The following GAB2 variants were observed in gnomAD, a reference collection of about 807,000 sequenced individuals.
GAB2 encodes GRB2 associated binding protein 2.
In GAB2, 26 loss-of-function variants were observed where a neutral mutation model predicts 65.5. That is an observed-to-expected ratio of 0.40 (90% confidence interval 0.29 to 0.55). The LOEUF (loss-of-function observed/expected upper bound fraction) is 0.55. Ranked by LOEUF, GAB2 falls within the 20% of genes least tolerant of loss-of-function variation. The pLI is 0.53. For missense variants in GAB2, 884 were observed against 875.8 expected (o/e 1.01, Z -0.12); for synonymous variants, 321 against 329.6 (o/e 0.97, Z 0.28).
chr11:78,292,160 A>T (rs1179579471), intron 1 of GAB2, among the ~76,000 whole-genome samples: 1 of 152,112 alleles, frequency 6.6e-6, no homozygotes, highest in Non-Finnish European at 1.5e-5. Flanking sequence ...TCACCCAGTA[A>T]CCTCAGTTAG....
At position 78,219,337 on chromosome 11, in the gene GAB2, T is replaced by C. The variant is rs1157843045; in HGVS notation, c.1966A>G (p.Asn656Asp). 2 of 1,613,618 alleles carry C rather than the reference T, an allele frequency of 1.2e-6. No individual in the cohort carries two copies. The highest frequency in any genetic ancestry group is 1.7e-6 in the Non-Finnish European group (2 of 1,179,618). Residue 656 changes from asparagine to aspartate, a missense_variant, in exon 10 of 10, where the codon AAC becomes GAC. Physicochemically the swap from Asn to Asp is conservative, Grantham distance 23. Coordinates refer to ENST00000361507, the MANE Select transcript of GAB2 (RefSeq NM_080491.3). ...VDKEKTQALQ[N>D]TMQEWTDVRQ... ...ACGTCTGTCCACTCCTGCATGGTGT[T>C]CTGCAGGGCCTGGGTCTTCTCCTTG...
chr11:78,378,891 C>T (rs750106936), intron 1 of GAB2, among the ~76,000 whole-genome samples: 1 of 152,204 alleles, frequency 6.6e-6, no homozygotes, highest in Non-Finnish European at 1.5e-5. Flanking sequence ...GCTTAGATCA[C>T]ATGCCCAATC....
At chr11:78,413,164 A>T (rs1857151012) in intron 1 of GAB2, among the ~76,000 whole-genome samples, 1 of 152,206 alleles carries the variant, frequency 6.6e-6, no homozygotes, top group African/African-American at 2.4e-5. Context: ...TAACAGTTGG[A>T]TATGTAAGTC....
chr11:78,325,775 T>C (rs61247319), intron 1 of GAB2, among the ~76,000 whole-genome samples: 5,384 of 152,302 alleles, frequency 0.035, 258 homozygotes, highest in African/African-American at 0.12. Context: ...ACAAGATATA[T>C]AGATAATACT....
chr11:78,329,426 T>A (rs183788580), intron 1 of GAB2, among the ~76,000 whole-genome samples: 3 of 152,326 alleles, frequency 2.0e-5, no homozygotes, highest in East Asian at 1.9e-4. Context: ...TTAGCATTTA[T>A]AATATCACTT....
chr11:78,277,042 C>T (rs978907939), intron 2 of GAB2, among the ~76,000 whole-genome samples: 1 of 152,144 alleles, frequency 6.6e-6, no homozygotes, highest in African/African-American at 2.4e-5. Flanking sequence ...TGGTGTCGAT[C>T]TCCTAACCTT....
At chr11:78,299,963 T>C (rs1015618070) in intron 1 of GAB2, among the ~76,000 whole-genome samples, 4 of 152,188 alleles carry the variant, frequency 2.6e-5, no homozygotes, top group African/African-American at 9.7e-5. Context: ...CATCATTACA[T>C]AGATATAATT....
At chr11:78,355,325 G>T (rs1052710944) in intron 1 of GAB2, among the ~76,000 whole-genome samples, 2 of 152,162 alleles carry the variant, frequency 1.3e-5, no homozygotes, top group Admixed American at 6.5e-5. Context: ...GATCACAAGA[G>T]CTCTCCCACC....
At chr11:78,231,337 G>GT (rs1491533121) in intron 3 of GAB2, among the ~76,000 whole-genome samples, 7 of 24,028 alleles carry the variant, frequency 2.9e-4, no homozygotes, top group Non-Finnish European at 4.6e-4. Context: ...CGCGTGTGTG[G>GT]TGTGTGTGTG....
At chr11:78,254,808 A>C (rs529419244) in intron 2 of GAB2, among the ~76,000 whole-genome samples, 12 of 151,728 alleles carry the variant, frequency 7.9e-5, no homozygotes, top group South Asian at 2.1e-4. Context: ...TAAAAAAAGA[A>C]AAAAGAAAAA....
chr11:78,288,541 C>T (rs1353397071), intron 1 of GAB2, among the ~76,000 whole-genome samples: 2 of 151,924 alleles, frequency 1.3e-5, no homozygotes, highest in East Asian at 1.9e-4. Context: ...TTCTAACTAG[C>T]GATGAATATG....
rs552662373 is a variant in GAB2 at position 78,387,312 on chromosome 11, T to C, written c.75+30334A>G. Among the ~76,000 whole-genome samples the C allele has an allele frequency of 5.9e-5, 9 of 152,366 alleles. No homozygotes were observed. The East Asian group carries it at 1.7e-3, about 29-fold the overall frequency. On this transcript the variant is annotated intron_variant, in intron 1 of 9. Transcript: ENST00000361507. ...TGATCCCTTGGGCTGTCATCTTCTC[T>C]AGATGTACTAGCATTGGTCAAGGTT...
intron 1 of GAB2, among the ~76,000 whole-genome samples, chr11:78,328,755 G>C (rs1009434529): frequency 7.7e-6 from 1 of 129,748 alleles, no homozygotes; most frequent in African/African-American, 2.8e-5. Flanking sequence ...AAATCAGAAT[G>C]ATTGTTTCTT....
At chr11:78,336,321 T>C (rs1855997776) in intron 1 of GAB2, among the ~76,000 whole-genome samples, 1 of 79,118 alleles carries the variant, frequency 1.3e-5, no homozygotes, top group Non-Finnish European at 2.1e-5. Context: ...AGCGAGACTG[T>C]CTCTCAAAAA....
rs114169971 is a variant in GAB2 at position 78,272,353 on chromosome 11, G to A, written c.376+8248C>T. ...TGGCTTTGACAAAAGTGATAATAGC[G>A]ACATGGACAATAAAGTCCAGGCTGA... On this transcript the variant is annotated intron_variant, in intron 2 of 9. Transcript: ENST00000361507. Among the ~76,000 whole-genome samples, 717 of 152,284 alleles carry A rather than the reference G, an allele frequency of 4.7e-3. 9 individuals are homozygous for A. Among genetic ancestry groups the A allele is most frequent in the African/African-American group, 0.017 (687 of 41,544 alleles).
intron 1 of GAB2, among the ~76,000 whole-genome samples, chr11:78,294,862 T>C (rs1420164585): frequency 6.6e-6 from 1 of 152,090 alleles, no homozygotes; most frequent in East Asian, 1.9e-4. Context: ...CCAAAAGCAA[T>C]GGCAACAAAA....
intron 1 of GAB2, among the ~76,000 whole-genome samples, chr11:78,281,546 G>A (rs1003134480): frequency 4.6e-5 from 7 of 152,138 alleles, no homozygotes; most frequent in African/African-American, 1.7e-4. Context: ...ATGCCCAGAC[G>A]ACCTTAAAGC....
chr11:78,330,635 T>C (rs1268472892), intron 1 of GAB2, among the ~76,000 whole-genome samples: 2 of 152,218 alleles, frequency 1.3e-5, no homozygotes, highest in Non-Finnish European at 2.9e-5. Context: ...CTTAGACCTC[T>C]AAAACCAAAT....
chr11:78,220,497 C>T, intron 8 of GAB2, 53 bp from the exon 9 acceptor site: 1 of 1,505,728 alleles, frequency 6.6e-7, no homozygotes, highest in Non-Finnish European at 8.9e-7. Context: ...GACTAACCCA[C>T]CACCCAGAAA....
Sources: allele counts gnomAD v4.1 joint callset (sites outside exome capture counted in the v4.1 genomes callset), GRCh38; gene constraint gnomAD v4.1.1; transcripts MANE v1.5; gene names NCBI Gene and HGNC (gene_info 2026-07-23, HGNC 2026-07-21).